The following ITCH variants were observed in gnomAD, a reference collection of about 807,000 sequenced individuals.
ITCH encodes itchy E3 ubiquitin protein ligase.
In ITCH, 28 loss-of-function variants were observed where a neutral mutation model predicts 126.8. That is an observed-to-expected ratio of 0.22 (90% CI 0.16 to 0.30). The LOEUF (loss-of-function observed/expected upper bound fraction) is 0.30. Among genes scored for constraint, ITCH ranks in the 10% least tolerant of loss-of-function variants. The pLI, the probability that ITCH is intolerant of heterozygous loss-of-function variation, is 1.00. For missense variants in ITCH, 631 were observed against 1,032.4 expected (o/e 0.61, Z 5.33); for synonymous variants, 342 against 340.0 (o/e 1.01, Z -0.06).
intron 6 of ITCH, among the ~76,000 whole-genome samples, 162 bp downstream of exon 6, chr20:34,414,041 G>A (rs1375346371): frequency 6.6e-6 from 1 of 151,244 alleles, no homozygotes; most frequent in African/African-American, 2.4e-5. Flanking sequence ...ACTTTGGGAG[G>A]CTGAGGCAGA....
chr20:34,373,392 C>T (rs745849374), intron 2 of ITCH, among the ~76,000 whole-genome samples: 1 of 151,876 alleles, frequency 6.6e-6, no homozygotes, highest in Non-Finnish European at 1.5e-5. Context: ...TCTCCTGCCT[C>T]AGCCTCCTGG....
intron 3 of ITCH, among the ~76,000 whole-genome samples, chr20:34,400,976 C>G (rs1032682232): frequency 2.0e-5 from 3 of 152,142 alleles, no homozygotes; most frequent in Non-Finnish European, 4.4e-5. Flanking sequence ...CCAGGCTGGT[C>G]TCAAAATCCT....
At chr20:34,450,973 C>T (rs534168188) in intron 12 of ITCH, 5 of 152,202 alleles carry the variant, frequency 3.3e-5, no homozygotes, top group Admixed American at 6.5e-5. Flanking sequence ...CTGTTATTAG[C>T]TTATAACAAC....
intron 3 of ITCH, among the ~76,000 whole-genome samples, chr20:34,400,217 G>C (rs997093800): frequency 6.6e-6 from 1 of 152,104 alleles, no homozygotes; most frequent in Non-Finnish European, 1.5e-5. Flanking sequence ...AATTATAGGC[G>C]TGAGCCACTG....
At chr20:34,495,851 G>C (rs981065105) in intron 23 of ITCH, among the ~76,000 whole-genome samples, 2 of 149,572 alleles carry the variant, frequency 1.3e-5, no homozygotes, top group Non-Finnish European at 3.0e-5. Context: ...GAGATGGGTG[G>C]ATCTCTTAAG....
rs150712997 is a variant in ITCH at position 34,452,502 on chromosome 20, T to C, written c.1210+3022T>C. On this transcript the variant is annotated intron_variant, in intron 12 of 24. Coordinates refer to ENST00000374864, the MANE Select transcript of ITCH (RefSeq NM_031483.7). The stretch of plus-strand genomic sequence containing the variant: ...TATGACTTGCTGCCTTTGGGGCATA[T>C]ACCTTACTTGTAGAACCAGTGACAG... Among the ~76,000 whole-genome samples, 1,441 of 152,324 alleles carry C rather than the reference T, an allele frequency of 9.5e-3. 12 individuals carry two copies. Among genetic ancestry groups the C allele is most frequent in the Non-Finnish European group, 0.012 (829 of 68,040 alleles).
intron 13 of ITCH, among the ~76,000 whole-genome samples, chr20:34,461,869 A>G (rs139378216): frequency 6.6e-6 from 1 of 152,354 alleles, no homozygotes; most frequent in African/African-American, 2.4e-5. Flanking sequence ...AATGGGGAAC[A>G]TAAGCCAAGT....
In ITCH at chr20:34,417,170, C is replaced by T. The variant is rs1156892976; in HGVS notation, c.475+3291C>T. 4.2e-5 allele frequency: 29 copies of T among 684,140 alleles called. No homozygotes were observed. In the East Asian group the frequency reaches 8.0e-4, roughly 19 times the overall value. 42.4% of individuals were successfully genotyped at this position (684,140 alleles called of 1,614,324 possible). A position where few individuals can be genotyped will look rare whatever the true frequency, so the allele number is the denominator to read the frequency against. ...GGAGTGCAATAGTGCGATCTCGGCT[C>T]ACTGCAACCTCTGCCTCCCGGGTTT... On this transcript the variant is annotated intron_variant, in intron 6 of 24. Transcript: ENST00000374864.
intron 14 of ITCH, among the ~76,000 whole-genome samples, chr20:34,463,093 T>G (rs1048886219): frequency 2.0e-5 from 3 of 152,230 alleles, no homozygotes; most frequent in African/African-American, 7.2e-5. Context: ...CCGGGCGCAG[T>G]GGCTCATGCC....
chr20:34,464,141 ATTTTT>A (rs1025473489), intron 14 of ITCH, among the ~76,000 whole-genome samples: 1 of 132,820 alleles, frequency 7.5e-6, no homozygotes, highest in Admixed American at 7.6e-5. Flanking sequence ...TGCCCAGCTA[ATTTTT>A]TTTTTTTTTT....
rs1978792831 is a variant in ITCH at position 34,511,387 on chromosome 20, T to C, written c.*3593T>C. On this transcript the variant is annotated 3_prime_UTR_variant, in exon 25 of 25. Transcript: ENST00000374864. The stretch of plus-strand genomic sequence containing the variant: ...ACTGTTTATAATTAAACTTTTTTGG[T>C]CCTTCATTTGCATGCTTTTCTATCA... 1 of 152,188 alleles carries C rather than the reference T, an allele frequency of 6.6e-6. No individual in the cohort carries two copies. The highest frequency in any genetic ancestry group is 1.5e-5 in the Non-Finnish European group (1 of 68,030). The allele number at this position is 152,188 out of a possible 1,614,324, so 9.4% of individuals were successfully genotyped here.
intron 2 of ITCH, among the ~76,000 whole-genome samples, chr20:34,392,025 A>T (rs1338556333): frequency 6.6e-6 from 1 of 152,146 alleles, no homozygotes; most frequent in Non-Finnish European, 1.5e-5. Flanking sequence ...CAGCAGCCAG[A>T]TATTGGACTT....
chr20:34,382,957 T>A (rs907537358), intron 2 of ITCH, among the ~76,000 whole-genome samples: 1 of 151,844 alleles, frequency 6.6e-6, no homozygotes, highest in Non-Finnish European at 1.5e-5. Flanking sequence ...TTGGTCAGGC[T>A]GGTCTCAAAC....
chr20:34,507,387 GT>G (rs1990707642), intron 24 of ITCH, among the ~76,000 whole-genome samples: 1 of 148,078 alleles, frequency 6.8e-6, no homozygotes, highest in Non-Finnish European at 1.5e-5. Flanking sequence ...GGTAAAGGAT[GT>G]TGAGCATTTT....
At chr20:34,404,211 T>A (rs907172740) in intron 3 of ITCH, among the ~76,000 whole-genome samples, 9 of 152,072 alleles carry the variant, frequency 5.9e-5, no homozygotes, top group Non-Finnish European at 1.3e-4. Context: ...AATGTATAGT[T>A]TTTTATTTTT....
intron 7 of ITCH, among the ~76,000 whole-genome samples, chr20:34,433,012 G>A (rs901703260): frequency 3.5e-4 from 53 of 151,360 alleles, no homozygotes; most frequent in African/African-American, 1.3e-3. Flanking sequence ...AATTTAGGCC[G>A]GGCGCAGTGG....
At chr20:34,465,321 A>G (rs1202748878) in intron 14 of ITCH, among the ~76,000 whole-genome samples, 1 of 147,538 alleles carries the variant, frequency 6.8e-6, no homozygotes, top group Non-Finnish European at 1.5e-5. Context: ...TGTGTCCTCC[A>G]ACTTTGTTCT....
intron 2 of ITCH, among the ~76,000 whole-genome samples, chr20:34,389,746 A>G (rs2146058168): frequency 6.6e-6 from 1 of 152,244 alleles, no homozygotes; most frequent in Middle Eastern, 3.4e-3. Flanking sequence ...TTATTACTCA[A>G]AGTCATGACC....
At chr20:34,390,415 T>C (rs868164767) in intron 2 of ITCH, among the ~76,000 whole-genome samples, 3 of 150,674 alleles carry the variant, frequency 2.0e-5, no homozygotes, top group Middle Eastern at 3.5e-3. Flanking sequence ...TCTTCTGTAA[T>C]ACATGGTATA....
Sources: allele counts gnomAD v4.1 joint callset (sites outside exome capture counted in the v4.1 genomes callset), GRCh38; gene constraint gnomAD v4.1.1; transcripts MANE v1.5; gene names NCBI Gene and HGNC (gene_info 2026-07-23, HGNC 2026-07-21).